SOS1: variants seen among roughly 807,000 people sequenced by gnomAD.
SOS1 encodes son of sevenless homolog 1.
Under a neutral mutation model 157.6 loss-of-function variants are expected in SOS1, and 25 were observed. That is an observed-to-expected ratio of 0.16 (90% CI 0.12 to 0.22). The LOEUF is 0.22. Among genes scored for constraint, SOS1 ranks in the 10% least tolerant of loss-of-function variants. SOS1 has a pLI of 1.00. For missense variants in SOS1, 1,237 were observed against 1,599.1 expected (o/e 0.77, Z 3.86); for synonymous variants, 528 against 534.0 (o/e 0.99, Z 0.16).
chr2:38,984,450 A>G lies in SOS1; in HGVS notation c.*1374T>C, dbSNP rs1668492324. ...AACCTCAAGCAAGGTAGAATGTTCAATATAAACCTTAACAAACTGTATACT... is the reference window on the plus strand; with the variant it reads ...AACCTCAAGCAAGGTAGAATGTTCAGTATAAACCTTAACAAACTGTATACT... On this transcript the variant is annotated 3_prime_UTR_variant, in exon 23 of 23. Coordinates refer to ENST00000402219, the MANE Select transcript of SOS1 (RefSeq NM_005633.4). The G allele has an allele frequency of 6.6e-6, 1 of 152,088 alleles. No homozygotes were observed. The highest frequency in any genetic ancestry group is 6.6e-5 in the Admixed American group (1 of 15,256). The allele number at this position is 152,088 out of a possible 1,614,324, so 9.4% of individuals were successfully genotyped here. A position where few individuals can be genotyped will look rare whatever the true frequency, so the allele number is the denominator to read the frequency against.
chr2:39,115,775 T>G (rs1409167694), intron 1 of SOS1, among the ~76,000 whole-genome samples: 1 of 152,220 alleles, frequency 6.6e-6, no homozygotes, highest in African/African-American at 2.4e-5. Flanking sequence ...TATTCCACTG[T>G]TTGTATCACA....
At chr2:39,046,965 C>A (rs987224169) in intron 6 of SOS1, among the ~76,000 whole-genome samples, 23 of 152,266 alleles carry the variant, frequency 1.5e-4, no homozygotes, top group African/African-American at 4.6e-4. Flanking sequence ...TTATTCCTCA[C>A]TTCTTCCTCA....
intron 1 of SOS1, among the ~76,000 whole-genome samples, chr2:39,113,157 T>C (rs1169662724): frequency 1.3e-5 from 2 of 152,124 alleles, no homozygotes; most frequent in African/African-American, 4.8e-5. Context: ...AAAGATGTCA[T>C]CACCCCTGCC....
At chr2:39,044,632 A>T (rs947867982) in intron 6 of SOS1, among the ~76,000 whole-genome samples, 2 of 152,208 alleles carry the variant, frequency 1.3e-5, no homozygotes, top group African/African-American at 2.4e-5. Context: ...ACTTATATGC[A>T]GATTTTTTTC....
intron 6 of SOS1, among the ~76,000 whole-genome samples, chr2:39,040,170 C>A (rs1040127372): frequency 1.3e-5 from 2 of 151,900 alleles, no homozygotes; most frequent in Admixed American, 1.3e-4. Context: ...CGCCACTACA[C>A]CCGGCTAATT....
intron 1 of SOS1, among the ~76,000 whole-genome samples, chr2:39,111,568 T>C (rs1177867850): frequency 2.0e-5 from 3 of 152,178 alleles, no homozygotes; most frequent in Non-Finnish European, 4.4e-5. Context: ...TTACTGCTGT[T>C]ACTTCTGGAC....
intron 20 of SOS1, among the ~76,000 whole-genome samples, chr2:38,994,461 A>T (rs1273998882): frequency 6.6e-6 from 1 of 152,182 alleles, no homozygotes; most frequent in Non-Finnish European, 1.5e-5. Context: ...CTTAAATCTG[A>T]TACATTGCAA....
chr2:39,045,634 C>G (rs1206492711), intron 6 of SOS1, among the ~76,000 whole-genome samples: 1 of 152,086 alleles, frequency 6.6e-6, no homozygotes, highest in Non-Finnish European at 1.5e-5. Flanking sequence ...TATTTCATCC[C>G]TTTATCTTAA....
rs1428156882 is a variant in SOS1 at position 38,986,214 on chromosome 2, G to A, written c.3612C>T (p.Ile1204=). 5 of 1,613,936 alleles carry A rather than the reference G, an allele frequency of 3.1e-6. No individual in the cohort carries two copies. In the South Asian group the frequency reaches 3.3e-5, roughly 11 times the overall value. The change falls in exon 23 of 23, where the codon ATC becomes ATT. Residue 1204 remains isoleucine, a synonymous_variant. Coordinates refer to ENST00000402219, the MANE Select transcript of SOS1 (RefSeq NM_005633.4). ...PRYSISDRTS[I]SDPPESPPLL... is the part of the protein sequence containing the mutation. ...AGGGAGGGCTTTCAGGAGGGTCTGA[G>A]ATAGAGGTCCGGTCTGATATTGAAT...
In SOS1 at chr2:39,022,751, T is replaced by C. The variant is rs768000455; in HGVS notation, c.1677A>G (p.Leu559=). The change falls in exon 10 of 23, where the codon CTA becomes CTG. Residue 559 remains leucine (L), a synonymous_variant. Coordinates refer to ENST00000402219, the MANE Select transcript of SOS1 (RefSeq NM_005633.4). ...TLERMLDVTM[L]QEEKEEQMRL... is the part of the protein sequence containing the mutation. The stretch of plus-strand genomic sequence containing the variant: ...TCATCTGCTCCTCTTTCTCTTCCTG[T>C]AGCATTGTTACATCAAGCATCCTTT... The C allele has an allele frequency of 1.9e-6, 3 of 1,613,780 alleles. No individual in the cohort carries two copies. Among genetic ancestry groups the C allele is most frequent in the East Asian group, 2.2e-5 (1 of 44,872 alleles).
At chr2:39,119,186 G>A (rs1673772252) in intron 1 of SOS1, among the ~76,000 whole-genome samples, 1 of 152,088 alleles carries the variant, frequency 6.6e-6, no homozygotes, top group Admixed American at 6.6e-5. Context: ...TAAGATATAT[G>A]GCATCTTTTC....
chr2:39,065,763 T>G (rs756639781), intron 2 of SOS1, among the ~76,000 whole-genome samples: 2 of 152,202 alleles, frequency 1.3e-5, no homozygotes, highest in Non-Finnish European at 2.9e-5. Context: ...TGTGCTTCAG[T>G]TGAATCATTC....
chr2:39,102,351 C>T lies in SOS1; in HGVS notation c.87+17985G>A, dbSNP rs534709636. On this transcript the variant is annotated intron_variant, in intron 1 of 22. Coordinates refer to ENST00000402219, the MANE Select transcript of SOS1 (RefSeq NM_005633.4). Reference sequence around the variant, plus strand: ...CAGTGTGGGCAACATAATGAGAGTTCATCTTTACCAAAGGGGAAAAAAAAT... The same window carrying T: ...CAGTGTGGGCAACATAATGAGAGTTTATCTTTACCAAAGGGGAAAAAAAAT... 5.3e-4 allele frequency among the ~76,000 whole-genome samples: 78 copies of T among 148,296 alleles called. 2 individuals are homozygous for T. The South Asian group carries it at 0.016, about 31-fold the overall frequency.
At chr2:39,082,941 T>C (rs1044919701) in intron 1 of SOS1, among the ~76,000 whole-genome samples, 3 of 152,180 alleles carry the variant, frequency 2.0e-5, no homozygotes, top group East Asian at 1.9e-4. Context: ...GTGGTCTTGA[T>C]AGAAAGTTTA....
intron 21 of SOS1, 100 bp downstream of exon 21, chr2:38,989,170 T>C (rs776648198): frequency 3.0e-5 from 24 of 803,460 alleles, no homozygotes; most frequent in Non-Finnish European, 5.3e-5. Context: ...AAGGTACCAA[T>C]GCTGCCAGAC....
At chr2:39,047,103 T>C (rs1670817955) in intron 6 of SOS1, among the ~76,000 whole-genome samples, 1 of 152,162 alleles carries the variant, frequency 6.6e-6, no homozygotes, top group South Asian at 2.1e-4. Context: ...ACCTCAGAAA[T>C]CTTCATGTTT....
intron 1 of SOS1, among the ~76,000 whole-genome samples, chr2:39,072,776 A>G (rs1472800285): frequency 6.6e-6 from 1 of 152,212 alleles, no homozygotes; most frequent in African/African-American, 2.4e-5. Flanking sequence ...GCTTCTAGAC[A>G]TTAACCATTT....
chr2:39,057,773 T>A (rs962361626), intron 3 of SOS1, among the ~76,000 whole-genome samples: 1 of 152,126 alleles, frequency 6.6e-6, no homozygotes, highest in Non-Finnish European at 1.5e-5. Context: ...GAATGATGAA[T>A]GCCTTTTCCA....
rs1467780860 is a variant in SOS1 at position 38,985,013 on chromosome 2, A to G, written c.*811T>C. Reference sequence around the variant, plus strand: ...GAAGGAGGGAAAATGACAATCTAGCATAGATGAACAGTCTCCTAAATGCAA... The same window carrying G: ...GAAGGAGGGAAAATGACAATCTAGCGTAGATGAACAGTCTCCTAAATGCAA... On this transcript the variant is annotated 3_prime_UTR_variant, in exon 23 of 23. Coordinates refer to ENST00000402219, the MANE Select transcript of SOS1 (RefSeq NM_005633.4). The G allele has an allele frequency of 6.6e-6, 1 of 152,182 alleles. No individual in the cohort carries two copies. The allele number at this position is 152,182 out of a possible 1,614,324, so 9.4% of individuals were successfully genotyped here.
Sources: gnomAD v4.1 joint callset for allele counts (sites outside exome capture counted in the v4.1 genomes callset) on GRCh38, gnomAD v4.1.1 for gene constraint, MANE v1.5 for transcripts, NCBI Gene and HGNC (gene_info 2026-07-23, HGNC 2026-07-21) for gene names.